The following THSD7B variants were observed in gnomAD, a reference collection of about 807,000 sequenced individuals.
THSD7B encodes thrombospondin type 1 domain containing 7B, also known as thrombospondin type-1 domain-containing protein 7B.
In THSD7B, 138 loss-of-function variants were observed where a neutral mutation model predicts 213.6. The ratio of observed to expected loss-of-function variants is 0.65; its 90% CI spans 0.56 to 0.74. The LOEUF (loss-of-function observed/expected upper bound fraction) is 0.74, where lower values mean the gene tolerates loss of function less well. THSD7B is among the 30% of genes least tolerant of loss of function. THSD7B has a pLI of 0.00. For synonymous variants in THSD7B, 742 were observed against 687.0 expected, an observed-to-expected ratio of 1.08 and a Z score of -1.25; for missense variants, 1,931 against 1,991.5, an observed-to-expected ratio of 0.97 and a Z score of 0.58.
intron 15 of THSD7B, among the ~76,000 whole-genome samples, chr2:137,540,892 A>G (rs750969227): frequency 6.6e-6 from 1 of 151,778 alleles, no homozygotes; most frequent in South Asian, 2.1e-4. Context: ...GCATGCAAGT[A>G]TATAGGGCTG....
rs760935732 is a variant in THSD7B at position 137,095,163 on chromosome 2, A to C, written c.1199+42A>C. On this transcript the variant is annotated intron_variant, in intron 4 of 27. Transcript: ENST00000409968. ...CCTTCTTTAGTGTGAAGGAGGCATA[A>C]TTTAATGTTGTAGGAATGTTAACAG... 2.5e-6 allele frequency: 4 copies of C among 1,603,452 alleles called. No homozygotes were observed. The African/African-American group carries it at 5.4e-5, about 22-fold the overall frequency.
chr2:137,383,171 T>G (rs1422442036), intron 12 of THSD7B, among the ~76,000 whole-genome samples: 3 of 152,208 alleles, frequency 2.0e-5, no homozygotes, highest in African/African-American at 7.2e-5. Context: ...GGTGGAAGGA[T>G]GACCTCCTCC....
intron 12 of THSD7B, among the ~76,000 whole-genome samples, chr2:137,286,887 A>C (rs986051964): frequency 6.6e-6 from 1 of 152,178 alleles, no homozygotes; most frequent in Non-Finnish European, 1.5e-5. Context: ...TAAGAGGGCA[A>C]AGCCATTTGG....
At chr2:137,575,742 A>ATATATATATATATATTTTTTTT (rs1235744133) in intron 17 of THSD7B, among the ~76,000 whole-genome samples, 4 of 147,328 alleles carry the variant, frequency 2.7e-5, no homozygotes, top group East Asian at 2.0e-4. Flanking sequence ...ATATATATAT[A>ATATATATATATATATTTTTTTT]TTTTTACTTT....
intron 2 of THSD7B, among the ~76,000 whole-genome samples, chr2:137,005,601 C>T (rs563582996): frequency 6.6e-6 from 1 of 152,314 alleles, no homozygotes; most frequent in South Asian, 2.1e-4. Context: ...ATTACTTCTG[C>T]AATTGCCAAG....
rs563000682 is a variant in THSD7B, at chr2:137,252,277, A to C, written c.2266+9705A>C. ...GCGAGACTCTGTCTCAAAAAAAAAA[A>C]AAAAAAAAAAAAACAAAGGGTTGGG... On this transcript the variant is annotated intron_variant, in intron 10 of 27. Coordinates refer to ENST00000409968, the MANE Select transcript of THSD7B (RefSeq NM_001316349.2). Among the ~76,000 whole-genome samples the C allele has an allele frequency of 4.4e-3, 662 of 150,672 alleles. 4 individuals carry two copies. The highest frequency in any genetic ancestry group is 0.015 in the African/African-American group (620 of 40,690).
chr2:137,652,775 T>C (rs1330358157), intron 21 of THSD7B, among the ~76,000 whole-genome samples: 1 of 152,188 alleles, frequency 6.6e-6, no homozygotes, highest in Non-Finnish European at 1.5e-5. Context: ...TGACAAGTTA[T>C]TCTGAAGAGA....
chr2:137,031,215 GT>G (rs149196470), intron 2 of THSD7B, among the ~76,000 whole-genome samples: 88,112 of 151,844 alleles, frequency 0.58, 29,534 homozygotes, highest in Non-Finnish European at 0.73. Context: ...ATGGTGGCGG[GT>G]TGCCTGTAAT....
At chr2:136,914,187 G>C (rs1684314109) in intron 2 of THSD7B, among the ~76,000 whole-genome samples, 1 of 152,178 alleles carries the variant, frequency 6.6e-6, no homozygotes, top group Admixed American at 6.5e-5. Context: ...CTGGATTTCG[G>C]ACATACGTGG....
chr2:137,487,532 T>C, intron 15 of THSD7B, among the ~76,000 whole-genome samples: 1 of 151,620 alleles, frequency 6.6e-6, no homozygotes. Context: ...GAGCTGGTTT[T>C]TTGAAAGGAT....
chr2:136,954,438 C>T (rs991315994), intron 2 of THSD7B, among the ~76,000 whole-genome samples: 6 of 152,080 alleles, frequency 3.9e-5, no homozygotes, highest in Non-Finnish European at 5.9e-5. Flanking sequence ...AAATTACGGC[C>T]GGGCGCGGTG....
rs778682322 is a variant in THSD7B, at chr2:136,802,702, T to C, written c.-36+37015T>C. Among the ~76,000 whole-genome samples, 4 of 137,230 alleles carry C rather than the reference T, an allele frequency of 2.9e-5. No homozygotes were observed. The Admixed American group carries it at 3.0e-4, about 10-fold the overall frequency. The allele number at this position is 137,230 out of a possible 152,430, so 90.0% of individuals were successfully genotyped here. On this transcript the variant is annotated intron_variant, in intron 1 of 27. Coordinates refer to ENST00000409968, the MANE Select transcript of THSD7B (RefSeq NM_001316349.2). ...ATATATGTAGTATTTGATCACTGCTTTTGCATCCATGAGTGGGCAAAGCCT... is the reference window on the plus strand; with the variant it reads ...ATATATGTAGTATTTGATCACTGCTCTTGCATCCATGAGTGGGCAAAGCCT...
At chr2:137,520,813 T>C (rs891405392) in intron 15 of THSD7B, among the ~76,000 whole-genome samples, 9 of 152,220 alleles carry the variant, frequency 5.9e-5, no homozygotes, top group Non-Finnish European at 1.3e-4. Context: ...TCTTTCATAA[T>C]GCTAGAGCAT....
chr2:137,379,333 T>C (rs1573994193), intron 12 of THSD7B, among the ~76,000 whole-genome samples: 1 of 152,220 alleles, frequency 6.6e-6, no homozygotes, highest in South Asian at 2.1e-4. Flanking sequence ...GCTTTGCATA[T>C]GGTACTTACG....
Position 137,416,382 on chromosome 2 carries a change from A to G in THSD7B, c.2959+4510A>G, listed in dbSNP as rs558720796. ...TTTTCCTCCTGTCATGGGACTCTTC[A>G]TCCTCTGGGTTAAGATCAGGTGCTA... On this transcript the variant is annotated intron_variant, in intron 14 of 27. Transcript: ENST00000409968. Among the ~76,000 whole-genome samples, 11 of 152,246 alleles carry G rather than the reference A, an allele frequency of 7.2e-5. No individual in the cohort carries two copies. The South Asian group carries it at 1.9e-3, about 26-fold the overall frequency.
chr2:136,861,637 G>C (rs754795244), intron 1 of THSD7B, among the ~76,000 whole-genome samples: 2 of 152,216 alleles, frequency 1.3e-5, no homozygotes, highest in African/African-American at 2.4e-5. Flanking sequence ...TACTCTGTAA[G>C]AGTTGCTGTT....
intron 14 of THSD7B, among the ~76,000 whole-genome samples, chr2:137,442,533 C>T (rs979841397): frequency 6.6e-6 from 1 of 151,924 alleles, no homozygotes; most frequent in Non-Finnish European, 1.5e-5. Flanking sequence ...GCCAAGTCCT[C>T]ATCACTCCAG....
At chr2:137,630,999 C>G (rs1429886387) in intron 20 of THSD7B, among the ~76,000 whole-genome samples, 1 of 152,176 alleles carries the variant, frequency 6.6e-6, no homozygotes, top group Non-Finnish European at 1.5e-5. Flanking sequence ...AGCCACACTT[C>G]GTCTTCAAAC....
Position 137,154,096 on chromosome 2 carries a change from T to A in THSD7B, c.1370-6117T>A, listed in dbSNP as rs560404704. ...AATCAAAATCATATTTAAAATTAAC[T>A]GAAGATAGAATGTTTTATTTGTAGG... is the stretch of plus-strand genomic sequence containing the variant. On this transcript the variant is annotated intron_variant, in intron 5 of 27. Transcript: ENST00000409968. Among the ~76,000 whole-genome samples the A allele has an allele frequency of 3.3e-5, 5 of 152,260 alleles. No individual in the cohort carries two copies. The South Asian group carries it at 1.0e-3, about 32-fold the overall frequency.
Sources: allele counts gnomAD v4.1 joint callset (sites outside exome capture counted in the v4.1 genomes callset), GRCh38; gene constraint gnomAD v4.1.1; transcripts MANE v1.5; gene names NCBI Gene and HGNC (gene_info 2026-07-23, HGNC 2026-07-21).